The following KCTD8 variants were observed in gnomAD, a reference collection of about 807,000 sequenced individuals.
KCTD8 encodes the protein potassium channel tetramerization domain containing 8.
KCTD8 carries 27 observed loss-of-function variants against 31.5 expected under a neutral mutation model. The ratio of observed to expected loss-of-function variants is 0.86; its 90% CI spans 0.63 to 1.18. The LOEUF (loss-of-function observed/expected upper bound fraction) is 1.18. KCTD8 is among the 50% of genes most tolerant of loss of function. The probability of loss-of-function intolerance (pLI) is 0.00; values close to 1 mark genes in which losing one functional copy is unlikely to be tolerated. For missense variants in KCTD8, 658 were observed against 647.7 expected (o/e 1.02, Z -0.17); for synonymous variants, 290 against 280.0 (o/e 1.04, Z -0.36).
chr4:44,356,093 T>C (rs908497862), intron 1 of KCTD8, among the ~76,000 whole-genome samples: 2 of 152,238 alleles, frequency 1.3e-5, no homozygotes, highest in African/African-American at 2.4e-5. Context: ...TTGCCCCTCA[T>C]ACTTGAGTAT....
chr4:44,308,949 A>G (rs1344711976), intron 1 of KCTD8, among the ~76,000 whole-genome samples: 1 of 152,150 alleles, frequency 6.6e-6, no homozygotes, highest in African/African-American at 2.4e-5. Context: ...TAGAGAACAT[A>G]GTGTATTGAA....
In KCTD8 at chr4:44,267,086, T is replaced by C. The variant is rs1333036308; in HGVS notation, c.962-91836A>G. ...AACTCTCCACCCCAAATCAACAGAA[T>C]ATACATTTTTTTCAGCACCACACCA... On this transcript the variant is annotated intron_variant, in intron 1 of 1. Transcript: ENST00000360029. Among the ~76,000 whole-genome samples the C allele has an allele frequency of 2.0e-5, 3 of 152,230 alleles. No individual in the cohort carries two copies. In the East Asian group the frequency reaches 5.8e-4, roughly 29 times the overall value.
rs577978031 is a variant in KCTD8 at position 44,301,681 on chromosome 4, A to G, written c.962-126431T>C. Among the ~76,000 whole-genome samples the G allele has an allele frequency of 3.9e-5, 6 of 152,072 alleles. No individual in the cohort carries two copies. In the East Asian group the frequency reaches 5.8e-4, roughly 15 times the overall value. On this transcript the variant is annotated intron_variant, in intron 1 of 1. Coordinates refer to ENST00000360029, the MANE Select transcript of KCTD8 (RefSeq NM_198353.3). The stretch of plus-strand genomic sequence containing the variant: ...ATTTCATAGGTTGCCTGTTCACTCT[A>G]ATGGTAGTTTCTTTTGCTGTGCAGA...
intron 1 of KCTD8, among the ~76,000 whole-genome samples, chr4:44,287,985 T>A (rs1717152476): frequency 6.6e-6 from 1 of 152,166 alleles, no homozygotes; most frequent in Admixed American, 6.6e-5. Context: ...AAAATGGGTA[T>A]CTGGACCAGA....
At chr4:44,314,237 A>G (rs946553782) in intron 1 of KCTD8, among the ~76,000 whole-genome samples, 1 of 152,178 alleles carries the variant, frequency 6.6e-6, no homozygotes, top group East Asian at 1.9e-4. Context: ...GGTTGCTTTT[A>G]TTGGTGAGAA....
At chr4:44,195,013 G>A (rs113533945) in intron 1 of KCTD8, among the ~76,000 whole-genome samples, 2,588 of 150,724 alleles carry the variant, frequency 0.017, 66 homozygotes, top group African/African-American at 0.059. Context: ...GTACCACCAC[G>A]CCAGGCTAAT....
At chr4:44,182,065 C>G (rs1252682820) in intron 1 of KCTD8, among the ~76,000 whole-genome samples, 2 of 152,112 alleles carry the variant, frequency 1.3e-5, no homozygotes, top group East Asian at 3.9e-4. Flanking sequence ...GGCAGCCACC[C>G]CGTCTGAGAA....
At chr4:44,248,031 CTGTT>C (rs1349181032) in intron 1 of KCTD8, among the ~76,000 whole-genome samples, 1 of 151,812 alleles carries the variant, frequency 6.6e-6, no homozygotes, top group African/African-American at 2.4e-5. Context: ...AGTTCTTTTA[CTGTT>C]TGTTTTCCTG....
chr4:44,337,406 T>C (rs1718777681), intron 1 of KCTD8, among the ~76,000 whole-genome samples: 1 of 152,072 alleles, frequency 6.6e-6, no homozygotes, highest in African/African-American at 2.4e-5. Flanking sequence ...CTGGGCACGG[T>C]GGTTCACGCC....
At chr4:44,437,059 T>TG (rs889398420) in intron 1 of KCTD8, among the ~76,000 whole-genome samples, 4 of 5,942 alleles carry the variant, frequency 6.7e-4, no homozygotes, top group African/African-American at 2.0e-3. Flanking sequence ...ATTTTGAAAG[T>TG]TTTTTTTTTT....
intron 1 of KCTD8, among the ~76,000 whole-genome samples, chr4:44,378,645 GA>G (rs1008730522): frequency 9.9e-5 from 15 of 151,870 alleles, no homozygotes; most frequent in Non-Finnish European, 2.1e-4. Flanking sequence ...CCTTACAATT[GA>G]AAAAACAATG....
At position 44,360,865 on chromosome 4, in the gene KCTD8, T is replaced by C. The variant is rs116944840; in HGVS notation, c.961+86698A>G. ...GCCTTATTTCATTTACTTATGTTTA[T>C]ATTTCTTTCCTCATGGCTTTTTTCC... On this transcript the variant is annotated intron_variant, in intron 1 of 1. Coordinates refer to ENST00000360029, the MANE Select transcript of KCTD8 (RefSeq NM_198353.3). Among the ~76,000 whole-genome samples, 27 of 152,108 alleles carry C rather than the reference T, an allele frequency of 1.8e-4. 1 individual carries two copies. In the East Asian group the frequency reaches 5.0e-3, roughly 28 times the overall value.
chr4:44,326,705 T>C (rs1348812189), intron 1 of KCTD8, among the ~76,000 whole-genome samples: 2 of 151,856 alleles, frequency 1.3e-5, no homozygotes, highest in African/African-American at 4.8e-5. Context: ...TGTCCATGAG[T>C]CTAGTTGTTT....
intron 1 of KCTD8, among the ~76,000 whole-genome samples, chr4:44,235,899 C>T (rs1209341496): frequency 6.6e-6 from 1 of 151,958 alleles, no homozygotes; most frequent in African/African-American, 2.4e-5. Context: ...AAGACACAGA[C>T]ACTCAAAGTT....
chr4:44,221,617 C>T (rs942923705), intron 1 of KCTD8, among the ~76,000 whole-genome samples: 5 of 152,112 alleles, frequency 3.3e-5, no homozygotes, highest in African/African-American at 1.2e-4. Flanking sequence ...GCCCAGAAGT[C>T]CCCGGAAAAC....
chr4:44,416,785 TA>T, intron 1 of KCTD8, among the ~76,000 whole-genome samples: 1 of 152,128 alleles, frequency 6.6e-6, no homozygotes, highest in Non-Finnish European at 1.5e-5. Context: ...TGAACCAAAA[TA>T]AAAATCTCTT....
intron 1 of KCTD8, among the ~76,000 whole-genome samples, chr4:44,220,707 G>A (rs1259797778): frequency 6.6e-6 from 1 of 152,156 alleles, no homozygotes; most frequent in Non-Finnish European, 1.5e-5. Context: ...GGGGGCAAAA[G>A]TGGAAAGTTT....
chr4:44,270,372 C>T (rs1441810497), intron 1 of KCTD8, among the ~76,000 whole-genome samples: 2 of 117,770 alleles, frequency 1.7e-5, no homozygotes, highest in Admixed American at 2.6e-4. Context: ...AGGGGAACAT[C>T]ATACTCTGGG....
At chr4:44,400,905 T>C (rs565487046) in intron 1 of KCTD8, among the ~76,000 whole-genome samples, 15 of 151,786 alleles carry the variant, frequency 9.9e-5, no homozygotes, top group Non-Finnish European at 2.2e-4. Context: ...GGTATAATCA[T>C]GGCTCACCAC....
Sources: allele counts gnomAD v4.1 joint callset (sites outside exome capture counted in the v4.1 genomes callset), GRCh38; gene constraint gnomAD v4.1.1; transcripts MANE v1.5; gene names NCBI Gene and HGNC (gene_info 2026-07-23, HGNC 2026-07-21).